Variants in ARHGAP20 observed in about 807,000 individuals in gnomAD.
ARHGAP20 encodes rho GTPase-activating protein 20.
In ARHGAP20, 34 loss-of-function variants were observed where a neutral mutation model predicts 73.7. That is an observed-to-expected ratio of 0.46 (90% confidence interval 0.35 to 0.61). ARHGAP20 has a LOEUF of 0.61. Ranked by LOEUF, ARHGAP20 falls within the 20% of genes least tolerant of loss-of-function variation. ARHGAP20 has a pLI of 0.00. For synonymous variants in ARHGAP20, 523 were observed against 518.2 expected (o/e 1.01, Z -0.13); for missense variants, 1,314 against 1,420.9 (o/e 0.92, Z 1.21).
Position 110,712,113 on chromosome 11 carries a change from C to A in ARHGAP20, c.105+14G>T. 7.6e-7 allele frequency: 1 copy of A among 1,319,914 alleles called. No individual in the cohort carries two copies. The highest frequency in any genetic ancestry group is 9.7e-7 in the Non-Finnish European group (1 of 1,030,088). 81.8% of individuals were successfully genotyped at this position (1,319,914 alleles called of 1,614,324 possible). ...CGGCGGCGGAGGGCACGGGCCCCCG[C>A]TCAGCGTCCTCACCTTCTTGGTGCA... On this transcript the variant is annotated intron_variant, in intron 1 of 14. Coordinates refer to ENST00000683387, the MANE Select transcript of ARHGAP20 (RefSeq NM_001384657.1).
chr11:110,585,379 G>C (rs1286064818), intron 12 of ARHGAP20, among the ~76,000 whole-genome samples: 1 of 151,424 alleles, frequency 6.6e-6, no homozygotes, highest in African/African-American at 2.4e-5. Flanking sequence ...AAACTATAAT[G>C]GAAGTGGAGG....
At chr11:110,709,559 G>A (rs899108684) in intron 1 of ARHGAP20, among the ~76,000 whole-genome samples, 2 of 152,210 alleles carry the variant, frequency 1.3e-5, no homozygotes, top group African/African-American at 2.4e-5. Flanking sequence ...GTCAATGGCA[G>A]GCCTCTGCTA....
intron 2 of ARHGAP20, among the ~76,000 whole-genome samples, chr11:110,648,179 AT>A (rs1949246177): frequency 8.6e-6 from 1 of 116,060 alleles, no homozygotes; most frequent in African/African-American, 3.5e-5. Context: ...GTAAATATAT[AT>A]ATATATATGT....
chr11:110,693,110 TC>T (rs1950274436), intron 1 of ARHGAP20, among the ~76,000 whole-genome samples: 1 of 152,020 alleles, frequency 6.6e-6, no homozygotes, highest in Admixed American at 6.6e-5. Flanking sequence ...TTCATGGAAA[TC>T]TACTGTAGAA....
rs371418912 is a variant in ARHGAP20 at position 110,591,412 on chromosome 11, G to C, written c.1143+565C>G. Among the ~76,000 whole-genome samples, 4 of 152,306 alleles carry C rather than the reference G, an allele frequency of 2.6e-5. No homozygotes were observed. The South Asian group carries it at 8.3e-4, about 32-fold the overall frequency. On this transcript the variant is annotated intron_variant, in intron 10 of 14. Coordinates refer to ENST00000683387, the MANE Select transcript of ARHGAP20 (RefSeq NM_001384657.1). ...CTTGCATTTATAGATGCATAATATA[G>C]TATAAAATGCCATATATGTAGTATA... is the stretch of plus-strand genomic sequence containing the variant.
chr11:110,636,140 G>A (rs1320578745), intron 2 of ARHGAP20, among the ~76,000 whole-genome samples: 1 of 152,082 alleles, frequency 6.6e-6, no homozygotes, highest in Non-Finnish European at 1.5e-5. Context: ...ATTACTCAAA[G>A]GGTCTGATGA....
intron 1 of ARHGAP20, among the ~76,000 whole-genome samples, chr11:110,706,086 A>G (rs932155254): frequency 9.9e-5 from 15 of 152,186 alleles, no homozygotes; most frequent in South Asian, 2.1e-4. Context: ...TGGTAGACAG[A>G]GAGGGTAGAA....
At chr11:110,690,753 G>T in intron 1 of ARHGAP20, 124 bp from the exon 2 acceptor site, 1 of 961,830 alleles carries the variant, frequency 1.0e-6, no homozygotes, top group Non-Finnish European at 1.6e-6. Context: ...GGAGCCTACA[G>T]TTTCATTATG....
chr11:110,625,032 ATT>A (rs766777290), intron 3 of ARHGAP20, among the ~76,000 whole-genome samples: 2 of 108,096 alleles, frequency 1.9e-5, no homozygotes, highest in African/African-American at 5.3e-5. Flanking sequence ...TTTTATTTTT[ATT>A]TTTTTTTTTT....
At chr11:110,594,488 C>A (rs1331166183) in intron 9 of ARHGAP20, among the ~76,000 whole-genome samples, 2 of 152,176 alleles carry the variant, frequency 1.3e-5, no homozygotes, top group African/African-American at 4.8e-5. Context: ...CTCCTCCCCA[C>A]AAAGAGGACA....
Position 110,583,555 on chromosome 11 carries a change from G to A in ARHGAP20, c.1598C>T (p.Thr533Ile). The change falls in exon 13 of 15, where the codon ACA becomes ATA. Residue 533 changes from threonine (T) to isoleucine (I), a missense_variant. Around this residue, in one of 3 missense-constraint regions of ARHGAP20, gnomAD observed 230 missense variants for 317.6 expected, o/e 0.72. Coordinates refer to ENST00000683387, the MANE Select transcript of ARHGAP20 (RefSeq NM_001384657.1). ...AATGAAAAACTTCATTACCTTTTTT[G>A]TAAATTCGTTTTCTAGTTCTGGGCT... ...SSSPELENEF[T>I]KKVSLLIQFL... The A allele has an allele frequency of 6.3e-7, 1 of 1,591,438 alleles. No homozygotes were observed. The highest frequency in any genetic ancestry group is 8.6e-7 in the Non-Finnish European group (1 of 1,167,936).
Position 110,578,133 on chromosome 11 carries a change from T to A in ARHGAP20, c.*1237A>T. ...TGACGAGATGTACTGCTGCAACCTT[T>A]AAGTCAAGAAAGCAGAGAAAGAAAG... On this transcript the variant is annotated 3_prime_UTR_variant, in exon 15 of 15. Transcript: ENST00000683387. 2 of 985,380 alleles carry A rather than the reference T, an allele frequency of 2.0e-6. No homozygotes were observed. Among genetic ancestry groups the A allele is most frequent in the Non-Finnish European group, 2.4e-6 (2 of 829,934 alleles). 61.0% of individuals were successfully genotyped at this position (985,380 alleles called of 1,614,324 possible). A position where few individuals can be genotyped will look rare whatever the true frequency, so the allele number is the denominator to read the frequency against.
chr11:110,632,378 G>C (rs929960428), intron 2 of ARHGAP20, among the ~76,000 whole-genome samples: 1 of 152,084 alleles, frequency 6.6e-6, no homozygotes, highest in Non-Finnish European at 1.5e-5. Context: ...GGCCAGTTTA[G>C]TGGATGTACA....
intron 9 of ARHGAP20, among the ~76,000 whole-genome samples, chr11:110,602,155 C>T (rs951599109): frequency 2.0e-5 from 3 of 152,058 alleles, no homozygotes; most frequent in Non-Finnish European, 4.4e-5. Flanking sequence ...CAGGGCACTA[C>T]AAATTGCAGT....
intron 4 of ARHGAP20, among the ~76,000 whole-genome samples, chr11:110,619,777 G>A (rs1342722271): frequency 6.6e-6 from 1 of 151,882 alleles, no homozygotes; most frequent in Non-Finnish European, 1.5e-5. Flanking sequence ...TGTATATGTA[G>A]TGATAGTGCA....
intron 2 of ARHGAP20, among the ~76,000 whole-genome samples, chr11:110,638,621 C>A (rs1949016881): frequency 6.6e-6 from 1 of 151,464 alleles, no homozygotes; most frequent in Admixed American, 6.6e-5. Context: ...TGAAATTGAC[C>A]AAGAAAAAGA....
intron 10 of ARHGAP20, 56 bp downstream of exon 10, chr11:110,591,921 G>C: frequency 6.4e-7 from 1 of 1,561,756 alleles, no homozygotes; most frequent in Non-Finnish European, 8.8e-7. Flanking sequence ...ACCTCGCAGA[G>C]CTCTCCTTTC....
intron 3 of ARHGAP20, among the ~76,000 whole-genome samples, chr11:110,627,184 GT>G (rs375048074): frequency 5.3e-5 from 8 of 152,166 alleles, no homozygotes; most frequent in African/African-American, 1.7e-4. Context: ...CACCCCTCAG[GT>G]TCAAGTGATT....
At chr11:110,583,504 G>A (rs148125066) in intron 13 of ARHGAP20, 44 bp downstream of exon 13, 38,422 of 1,450,836 alleles carry the variant, frequency 0.026, 575 homozygotes, top group Non-Finnish European at 0.031. Flanking sequence ...GTTTCAAAAC[G>A]GGGACTCAGT....
Sources: gnomAD v4.1 joint callset for allele counts (sites outside exome capture counted in the v4.1 genomes callset) on GRCh38, gnomAD v4.1.1 for gene constraint, gnomAD v4.1.1 regional missense constraint, MANE v1.5 for transcripts, NCBI Gene and HGNC (gene_info 2026-07-23, HGNC 2026-07-21) for gene names.